The following APAF1 variants were observed in gnomAD, a reference collection of about 807,000 sequenced individuals.
APAF1 encodes apoptotic protease-activating factor 1.
In APAF1, 91 loss-of-function variants were observed where a neutral mutation model predicts 152.4. The ratio of observed to expected loss-of-function variants is 0.60; its 90% CI spans 0.50 to 0.71. APAF1 has a LOEUF of 0.71. Among genes scored for constraint, APAF1 ranks in the 30% least tolerant of loss-of-function variants. The probability of loss-of-function intolerance (pLI) is 0.00; values close to 1 mark genes in which losing one functional copy is unlikely to be tolerated. For synonymous variants in APAF1, 484 were observed against 494.1 expected, an observed-to-expected ratio of 0.98 and a Z score of 0.27; for missense variants, 1,283 against 1,472.0, an observed-to-expected ratio of 0.87 and a Z score of 2.10.
intron 5 of APAF1, among the ~76,000 whole-genome samples, chr12:98,661,339 A>G (rs2097665040): frequency 1.3e-5 from 2 of 152,176 alleles, no homozygotes; most frequent in South Asian, 4.1e-4. Flanking sequence ...TGTTGAGTAA[A>G]ATAATGTAGC....
At chr12:98,672,748 A>T (rs2097681854) in intron 12 of APAF1, among the ~76,000 whole-genome samples, 1 of 151,598 alleles carries the variant, frequency 6.6e-6, no homozygotes, top group Non-Finnish European at 1.5e-5. Flanking sequence ...TTTTATTTTT[A>T]TTTTATTTTA....
intron 22 of APAF1, among the ~76,000 whole-genome samples, chr12:98,718,853 G>A (rs1228883623): frequency 1.3e-5 from 2 of 152,064 alleles, no homozygotes; most frequent in Non-Finnish European, 2.9e-5. Context: ...AGGATCGCTT[G>A]AGCCTAGGAG....
At chr12:98,679,946 C>T (rs529447142) in intron 13 of APAF1, among the ~76,000 whole-genome samples, 5 of 152,372 alleles carry the variant, frequency 3.3e-5, no homozygotes, top group African/African-American at 1.2e-4. Context: ...TGCAGCCTGT[C>T]AGGCCAAGTG....
rs776687272 is a variant in APAF1 at position 98,666,376 on chromosome 12, A to C, written c.1362+19A>C. ...GCTTCAGGTACTTGCATCTTGGTTT[A>C]CTTTTTTTTTTCCTTTTTCCTTTGA... is the stretch of plus-strand genomic sequence containing the variant. On this transcript the variant is annotated intron_variant, in intron 9 of 26. Transcript: ENST00000551964. 6.2e-7 allele frequency: 1 copy of C among 1,603,006 alleles called. No individual in the cohort carries two copies. Among genetic ancestry groups the C allele is most frequent in the Non-Finnish European group, 8.5e-7 (1 of 1,176,254 alleles).
intron 12 of APAF1, among the ~76,000 whole-genome samples, chr12:98,675,546 T>C (rs536400596): frequency 1.3e-5 from 2 of 152,338 alleles, no homozygotes; most frequent in Admixed American, 6.5e-5. Flanking sequence ...GTATTGAACA[T>C]GTACAGACTC....
intron 19 of APAF1, among the ~76,000 whole-genome samples, chr12:98,708,245 C>A (rs542103811): frequency 1.5e-4 from 23 of 152,234 alleles, no homozygotes; most frequent in African/African-American, 5.1e-4. Context: ...GCGCCTGGCC[C>A]AAACTTCTTA....
At position 98,732,867 on chromosome 12, in the gene APAF1, G is replaced by T; in HGVS notation, c.*301G>T. Reference sequence around the variant, plus strand: ...CTGTCTTGATGCATTCAAAATGGTTGACATAATTAATGAGAAGAATTTGGA... The same window carrying T: ...CTGTCTTGATGCATTCAAAATGGTTTACATAATTAATGAGAAGAATTTGGA... On this transcript the variant is annotated 3_prime_UTR_variant, in exon 27 of 27. Coordinates refer to ENST00000551964, the MANE Select transcript of APAF1 (RefSeq NM_181861.2). 1 of 330,052 alleles carries T rather than the reference G, an allele frequency of 3.0e-6. No homozygotes were observed. The highest frequency in any genetic ancestry group is 5.6e-6 in the Non-Finnish European group (1 of 177,460). 20.4% of individuals were successfully genotyped at this position (330,052 alleles called of 1,614,324 possible).
At chr12:98,654,444 G>C (rs1027958302) in intron 4 of APAF1, among the ~76,000 whole-genome samples, 1 of 152,034 alleles carries the variant, frequency 6.6e-6, no homozygotes, top group African/African-American at 2.4e-5. Flanking sequence ...TTTTGAGACA[G>C]AGCCCCATTC....
intron 7 of APAF1, among the ~76,000 whole-genome samples, chr12:98,664,829 C>G (rs768966238): frequency 6.6e-6 from 1 of 152,012 alleles, no homozygotes; most frequent in East Asian, 1.9e-4. Flanking sequence ...GTCGCCACAC[C>G]CAGCTGGATC....
rs1219990378 is a variant in APAF1, at chr12:98,723,066, CCT to C, written c.3085-122_3085-121del. 5 of 958,928 alleles carry C rather than the reference CCT, an allele frequency of 5.2e-6. No homozygotes were observed. In the East Asian group the frequency reaches 1.3e-4, roughly 25 times the overall value. 59.4% of individuals were successfully genotyped at this position (958,928 alleles called of 1,614,324 possible). A position where few individuals can be genotyped will look rare whatever the true frequency, so the allele number is the denominator to read the frequency against. On this transcript the variant is annotated intron_variant, in intron 22 of 26. Transcript: ENST00000551964. ...GGACACCACAGTCTTCTCTCTTATT[CCT>C]CTCTGTTTTACTGAAATGCCATGTG...
chr12:98,684,478 C>T (rs1272537401), intron 15 of APAF1, among the ~76,000 whole-genome samples: 1 of 148,694 alleles, frequency 6.7e-6, no homozygotes, highest in Admixed American at 6.8e-5. Flanking sequence ...CTTCTTCTGT[C>T]TCCTCCTCCT....
intron 12 of APAF1, among the ~76,000 whole-genome samples, chr12:98,673,401 A>G (rs1204820030): frequency 1.3e-5 from 2 of 149,126 alleles, no homozygotes; most frequent in Non-Finnish European, 3.0e-5. Context: ...GTGCCACTGC[A>G]CTCCAGCCTG....
At chr12:98,660,017 T>C (rs559412551) in intron 5 of APAF1, among the ~76,000 whole-genome samples, 2 of 152,080 alleles carry the variant, frequency 1.3e-5, no homozygotes, top group African/African-American at 4.8e-5. Context: ...TGGGTTAACA[T>C]AGAACAACAG....
intron 13 of APAF1, among the ~76,000 whole-genome samples, chr12:98,678,736 C>G (rs2097689190): frequency 1.3e-5 from 2 of 152,214 alleles, no homozygotes; most frequent in Non-Finnish European, 2.9e-5. Context: ...CTGTTGGCAC[C>G]CACTCTGATC....
chr12:98,707,679 A>G (rs11831003), intron 19 of APAF1, among the ~76,000 whole-genome samples: 15,976 of 140,508 alleles, frequency 0.11, 997 homozygotes, highest in East Asian at 0.24. Flanking sequence ...TATTCAAGAC[A>G]TTATGCAAAG....
At chr12:98,712,650 G>T in intron 21 of APAF1, 1 of 519,236 alleles carries the variant, frequency 1.9e-6, no homozygotes, top group Non-Finnish European at 3.4e-6. Context: ...CTGAGTAGCT[G>T]GGACTAAAGG....
chr12:98,673,550 G>T (rs1161625380), intron 12 of APAF1, among the ~76,000 whole-genome samples: 3 of 151,870 alleles, frequency 2.0e-5, no homozygotes, highest in Non-Finnish European at 4.4e-5. Flanking sequence ...AATATGAGTG[G>T]CTCTCTTTTC....
At chr12:98,683,519 G>A (rs1333068763) in intron 15 of APAF1, among the ~76,000 whole-genome samples, 1 of 152,184 alleles carries the variant, frequency 6.6e-6, no homozygotes, top group Non-Finnish European at 1.5e-5. Context: ...TGTGTTCTCA[G>A]GCTCTACCTC....
At position 98,659,089 on chromosome 12, in the gene APAF1, T is replaced by C. The variant is rs1474506213; in HGVS notation, c.527-71T>C. The C allele has an allele frequency of 2.1e-6, 3 of 1,439,342 alleles. No homozygotes were observed. In the African/African-American group the frequency reaches 4.2e-5, roughly 20 times the overall value. The allele number at this position is 1,439,342 out of a possible 1,614,324, so 89.2% of individuals were successfully genotyped here. ...TTGTAAATTGGAGTAAATCTGATGC[T>C]TAACAGTAAAACCATTTAAAGGAGT... On this transcript the variant is annotated intron_variant, in intron 4 of 26. Coordinates refer to ENST00000551964, the MANE Select transcript of APAF1 (RefSeq NM_181861.2).
Sources: gnomAD v4.1 joint callset for allele counts (sites outside exome capture counted in the v4.1 genomes callset) on GRCh38, gnomAD v4.1.1 for gene constraint, MANE v1.5 for transcripts, NCBI Gene and HGNC (gene_info 2026-07-23, HGNC 2026-07-21) for gene names.